The following SZT2 variants were observed in gnomAD, a reference collection of about 807,000 sequenced individuals.
SZT2 encodes KICSTOR complex protein SZT2.
A neutral mutation model predicts 404.2 loss-of-function variants in SZT2; 216 were observed. The ratio of observed to expected loss-of-function variants is 0.53; its 90% CI spans 0.48 to 0.60. The LOEUF is 0.60. Ranked by LOEUF, SZT2 falls within the 20% of genes least tolerant of loss-of-function variation. The pLI is 0.00. For missense variants in SZT2, 3,857 were observed against 4,459.2 expected (o/e 0.86, Z 3.85); for synonymous variants, 1,693 against 1,749.9 (o/e 0.97, Z 0.81).
intron 15 of SZT2, among the ~76,000 whole-genome samples, chr1:43,423,918 T>A (rs1171134593): frequency 6.8e-6 from 1 of 148,086 alleles, no homozygotes; most frequent in Admixed American, 6.7e-5. Context: ...AGGGTGTGGC[T>A]TAGCAGGGTA....
chr1:43,441,930 C>A lies in SZT2; in HGVS notation c.7743-70C>A. ...AGCTAGGAGAGGTGGAAACAAGGCC[C>A]AGGGAGGTGAAGGCTAGGCCAGGGA... On this transcript the variant is annotated intron_variant, in intron 55 of 71. Transcript: ENST00000634258. This position sits in a 1 kb window ranked among gnomAD's most constrained non-coding sequence, Gnocchi z 4.8. 6.3e-7 allele frequency: 1 copy of A among 1,592,264 alleles called. No individual in the cohort carries two copies. Among genetic ancestry groups the A allele is most frequent in the Non-Finnish European group, 8.6e-7 (1 of 1,166,452 alleles).
Position 43,431,090 on chromosome 1 carries a change from G to A in SZT2, c.4916G>A (p.Arg1639Gln), listed in dbSNP as rs906667305. ...ACGGCCTCGGACCCTCAGCACCACC[G>A]GTGTGGCAGCAAGTTTGGTGGGGGG... ...LPTASDPQHH[R>Q]STSESSASFP... The change falls in exon 33 of 72, where the codon CGG becomes CAG. Residue 1639 changes from arginine to glutamine, a missense_variant and splice_region_variant. Transcript: ENST00000634258. 1.9e-6 allele frequency: 3 copies of A among 1,611,680 alleles called. No homozygotes were observed. The highest frequency in any genetic ancestry group is 1.3e-5 in the African/African-American group (1 of 74,754).
Position 43,452,139 on chromosome 1 carries a change from T to TGTGCACCCCCTTCTCC in SZT2, c.*1661_*1676dup. The TGTGCACCCCCTTCTCC allele has an allele frequency of 6.6e-7, 1 of 1,507,972 alleles. No individual in the cohort carries two copies. Among genetic ancestry groups the TGTGCACCCCCTTCTCC allele is most frequent in the South Asian group, 1.2e-5 (1 of 86,852 alleles). The allele number at this position is 1,507,972 out of a possible 1,614,324, so 93.4% of individuals were successfully genotyped here. A position where few individuals can be genotyped will look rare whatever the true frequency, so the allele number is the denominator to read the frequency against. On this transcript the variant is annotated 3_prime_UTR_variant, in exon 72 of 72. Transcript: ENST00000634258. ...TGGCAGCCTCACGTGCTGTCCCCAC[T>TGTGCACCCCCTTCTCC]GTGCACCCCCTTCTCCGCACACCCA...
At chr1:43,438,451 G>A (rs982616000) in intron 46 of SZT2, among the ~76,000 whole-genome samples, 3 of 152,166 alleles carry the variant, frequency 2.0e-5, no homozygotes, top group Admixed American at 6.5e-5. Flanking sequence ...CTATGAGGGC[G>A]ATGCTATTAT....
intron 70 of SZT2, 145 bp from the exon 71 acceptor site, chr1:43,449,958 G>A: frequency 1.1e-6 from 1 of 920,100 alleles, no homozygotes; most frequent in Non-Finnish European, 1.7e-6. Context: ...GGCTCAATTT[G>A]GAGACACGGT....
chr1:43,399,091 A>AT (rs563493512), intron 1 of SZT2, among the ~76,000 whole-genome samples: 4 of 152,120 alleles, frequency 2.6e-5, no homozygotes, highest in Non-Finnish European at 5.9e-5. Flanking sequence ...AAAAAAAAAA[A>AT]GAAAAAAATC....
At chr1:43,416,747 AC>A in intron 7 of SZT2, 106 bp downstream of exon 7, 1 of 850,690 alleles carries the variant, frequency 1.2e-6, no homozygotes, top group South Asian at 1.6e-5. Flanking sequence ...AAAGTCAATT[AC>A]TTAGTTACAT....
intron 46 of SZT2, 108 bp from the exon 47 acceptor site, chr1:43,438,591 C>A: frequency 9.5e-7 from 1 of 1,057,708 alleles, no homozygotes. Flanking sequence ...ACTCCTAACA[C>A]TGCCTCTAGT....
At chr1:43,391,593 CAG>C (rs1326363915) in intron 1 of SZT2, among the ~76,000 whole-genome samples, 2 of 152,028 alleles carry the variant, frequency 1.3e-5, no homozygotes, top group African/African-American at 2.4e-5. Flanking sequence ...CAAGATCAAT[CAG>C]AAATATTAAC....
chr1:43,437,646 C>T lies in SZT2; in HGVS notation c.6342C>T (p.Pro2114=), dbSNP rs761025868. The change falls in exon 45 of 72, where the codon CCC becomes CCT. Residue 2114 remains proline (P), a synonymous_variant. Transcript: ENST00000634258. This position sits in a 1 kb window ranked among gnomAD's most constrained non-coding sequence, Gnocchi z 5.3. The stretch of plus-strand genomic sequence containing the variant: ...GGCCATGGAAAGGGGATGCGCTGCC[C>T]CCTTCCCTCGCTCTGTCCCGAAGCC... ...SDRPWKGDAL[P]PSLALSRSQE... 8 of 1,613,942 alleles carry T rather than the reference C, an allele frequency of 5.0e-6. No individual in the cohort carries two copies. The East Asian group carries it at 1.8e-4, about 36-fold the overall frequency.
chr1:43,390,937 A>AAT (rs1365867038), intron 1 of SZT2, among the ~76,000 whole-genome samples: 4 of 152,242 alleles, frequency 2.6e-5, no homozygotes, highest in Non-Finnish European at 4.4e-5. Flanking sequence ...GCTCTTTACC[A>AAT]ATATCAGTTA....
At chr1:43,432,625 CAG>C in intron 38 of SZT2, 21 bp downstream of exon 38, 1 of 1,613,302 alleles carries the variant, frequency 6.2e-7, no homozygotes. Context: ...ACTTGGGCAG[CAG>C]TCTGGAGGCC....
In SZT2 at chr1:43,424,309, C is replaced by A. The variant is rs779818241; in HGVS notation, c.2348C>A (p.Ser783Tyr). ...CCCTTGGTGTCAGGCCGCTCAGCCTCTTCTAGCCTGGCGTCACTGTCCCGC... is the reference window on the plus strand; with the variant it reads ...CCCTTGGTGTCAGGCCGCTCAGCCTATTCTAGCCTGGCGTCACTGTCCCGC... ...PLPLVSGRSASSSLASLSRYL... is the reference protein window; with the variant it reads ...PLPLVSGRSAYSSLASLSRYL... The change falls in exon 16 of 72, where the codon TCT becomes TAT. Residue 783 changes from serine to tyrosine, a missense_variant. By Grantham distance (144) the Ser-to-Tyr change is moderately radical (BLOSUM62 -2). Coordinates refer to ENST00000634258, the MANE Select transcript of SZT2 (RefSeq NM_001365999.1). This position sits in a 1 kb window ranked among gnomAD's most constrained non-coding sequence, Gnocchi z 4.1. 11 of 1,598,072 alleles carry A rather than the reference C, an allele frequency of 6.9e-6. No homozygotes were observed. The highest frequency in any genetic ancestry group is 1.1e-5 in the South Asian group (1 of 91,086).
rs775104455 is a variant in SZT2 at position 43,435,112 on chromosome 1, TTCTC to T, written c.5905-84_5905-81del. 32 of 1,472,618 alleles carry T rather than the reference TTCTC, an allele frequency of 2.2e-5. 1 individual carries two copies. In the South Asian group the frequency reaches 3.4e-4, roughly 16 times the overall value. 91.2% of individuals were successfully genotyped at this position (1,472,618 alleles called of 1,614,324 possible). A position where few individuals can be genotyped will look rare whatever the true frequency, so the allele number is the denominator to read the frequency against. Reference sequence around the variant, plus strand: ...CTCCAATCCCCAGTGATAGTGGTCATTCTCTCTGGCATTTGATCACCCCTGACCA... The same window carrying T: ...CTCCAATCCCCAGTGATAGTGGTCATTCTGGCATTTGATCACCCCTGACCA... On this transcript the variant is annotated intron_variant, in intron 41 of 71. Coordinates refer to ENST00000634258, the MANE Select transcript of SZT2 (RefSeq NM_001365999.1).
rs569494536 is a variant in SZT2, at chr1:43,448,864, TA to T, written c.10086+140del. The stretch of plus-strand genomic sequence containing the variant: ...CAGAACGGGACTACACAGATACATG[TA>T]AAACCCTTCCAGTACCGGGCATCGA... On this transcript the variant is annotated intron_variant, in intron 70 of 71. Transcript: ENST00000634258. This position sits in a 1 kb window ranked among gnomAD's most constrained non-coding sequence, Gnocchi z 4.2. The T allele has an allele frequency of 6.7e-5, 53 of 792,260 alleles. 1 individual carries two copies. The South Asian group carries it at 8.2e-4, about 12-fold the overall frequency. 49.1% of individuals were successfully genotyped at this position (792,260 alleles called of 1,614,324 possible).
chr1:43,403,071 C>T, intron 1 of SZT2, 106 bp from the exon 2 acceptor site: 1 of 1,238,326 alleles, frequency 8.1e-7, no homozygotes, highest in Non-Finnish European at 1.2e-6. Context: ...TGTTTTCCCT[C>T]TCATTGATGG....
Position 43,441,969 on chromosome 1 carries a change from T to A in SZT2, c.7743-31T>A. On this transcript the variant is annotated intron_variant, in intron 55 of 71. Coordinates refer to ENST00000634258, the MANE Select transcript of SZT2 (RefSeq NM_001365999.1). This position sits in a 1 kb window ranked among gnomAD's most constrained non-coding sequence, Gnocchi z 4.8. ...CTAGGCCAGGGAGTGGTGTCATGGA[T>A]GGCCTTTCTGTCTGTCCTCCCTTTC... 4 of 1,600,222 alleles carry A rather than the reference T, an allele frequency of 2.5e-6. No homozygotes were observed. Among genetic ancestry groups the A allele is most frequent in the Non-Finnish European group, 3.4e-6 (4 of 1,171,202 alleles).
chr1:43,451,889 A>G lies in SZT2; in HGVS notation c.*1409A>G. 6.2e-7 allele frequency: 1 copy of G among 1,613,932 alleles called. No homozygotes were observed. The highest frequency in any genetic ancestry group is 8.5e-7 in the Non-Finnish European group (1 of 1,179,848). ...GGAGGGGACCGTGAGCCTCAAGAGC[A>G]CAGGAATCAAAAGGGACAGAAGGAG... On this transcript the variant is annotated 3_prime_UTR_variant, in exon 72 of 72. Coordinates refer to ENST00000634258, the MANE Select transcript of SZT2 (RefSeq NM_001365999.1).
rs755904223 is a variant in SZT2, at chr1:43,403,720, T to A, written c.273T>A (p.Ala91=). ...CTTCCACCCGGGTCACCTTCCTGGC[T>A]TGGCAGTATCGGTTTGTCATTGAGT... ...LVPSTRVTFL[A]WQYRFVIELD... is the part of the protein sequence containing the mutation. Residue 91 remains alanine, a synonymous_variant, in exon 3 of 72, where the codon GCT becomes GCA. Coordinates refer to ENST00000634258, the MANE Select transcript of SZT2 (RefSeq NM_001365999.1). 2 of 1,614,188 alleles carry A rather than the reference T, an allele frequency of 1.2e-6. No individual in the cohort carries two copies. Among genetic ancestry groups the A allele is most frequent in the East Asian group, 4.5e-5 (2 of 44,876 alleles).
Sources: gnomAD v4.1 joint callset for allele counts (sites outside exome capture counted in the v4.1 genomes callset) on GRCh38, gnomAD v4.1.1 for gene constraint, Gnocchi (gnomAD v3.1) non-coding constraint, MANE v1.5 for transcripts, NCBI Gene and HGNC (gene_info 2026-07-23, HGNC 2026-07-21) for gene names.